CBFA2T3: variants seen among roughly 807,000 people sequenced by gnomAD.
CBFA2T3 encodes transcriptional corepressor CBFA2T3.
In CBFA2T3, 31 loss-of-function variants were observed where a neutral mutation model predicts 58.6. That is an observed-to-expected ratio of 0.53 (90% CI 0.40 to 0.71). The LOEUF is 0.71. Ranked by LOEUF, CBFA2T3 falls within the 30% of genes least tolerant of loss-of-function variation. The pLI is 0.00. For missense variants in CBFA2T3, 1,076 were observed against 963.1 expected (o/e 1.12, Z -1.55); for synonymous variants, 531 against 421.9 (o/e 1.26, Z -3.17).
chr16:88,969,506 G>A (rs982554023), intron 1 of CBFA2T3, among the ~76,000 whole-genome samples: 1 of 152,238 alleles, frequency 6.6e-6, no homozygotes, highest in African/African-American at 2.4e-5. Flanking sequence ...GCCTTCAGGA[G>A]GGGCTCGCCG....
At chr16:88,925,642 T>G (rs2636949) in intron 1 of CBFA2T3, among the ~76,000 whole-genome samples, 17,759 of 152,160 alleles carry the variant, frequency 0.12, 2,263 homozygotes, top group African/African-American at 0.32. Flanking sequence ...TGAATGCTGC[T>G]TCTCCCTCCA....
At chr16:88,949,871 G>C (rs866320618) in intron 1 of CBFA2T3, among the ~76,000 whole-genome samples, 1 of 151,908 alleles carries the variant, frequency 6.6e-6, no homozygotes, top group Non-Finnish European at 1.5e-5. Context: ...TTAGCTGGGC[G>C]TGGTGGTGGG....
Position 88,891,900 on chromosome 16 carries a change from A to T in CBFA2T3, c.693T>A (p.Phe231Leu). 1 of 1,612,808 alleles carries T rather than the reference A, an allele frequency of 6.2e-7. No individual in the cohort carries two copies. ...QEATNFPLRP[F>L]VIPFLKANLP... ...GCATTACCTTCAGGAAGGGAATGACAAACGGCCGCAGAGGGAAGTTGGTGG... is the reference window on the plus strand; with the variant it reads ...GCATTACCTTCAGGAAGGGAATGACTAACGGCCGCAGAGGGAAGTTGGTGG... The change falls in exon 5 of 12, where the codon TTT becomes TTA. Residue 231 changes from phenylalanine to leucine, a missense_variant. Phe to Leu is a conservative substitution (Grantham distance 22, BLOSUM62 0). Transcript: ENST00000268679.
chr16:88,962,802 G>A (rs1308482795), intron 1 of CBFA2T3, among the ~76,000 whole-genome samples: 1 of 152,224 alleles, frequency 6.6e-6, no homozygotes, highest in African/African-American at 2.4e-5. Context: ...TTTCTCGTCT[G>A]TGCCCCGAAC....
intron 1 of CBFA2T3, among the ~76,000 whole-genome samples, chr16:88,948,219 A>G (rs1971955308): frequency 6.6e-6 from 1 of 152,230 alleles, no homozygotes; most frequent in African/African-American, 2.4e-5. Context: ...TTTAATAACT[A>G]TCAGCTGACA....
At chr16:88,920,467 T>C (rs1245628214) in intron 1 of CBFA2T3, among the ~76,000 whole-genome samples, 2 of 148,744 alleles carry the variant, frequency 1.3e-5, no homozygotes, top group African/African-American at 2.5e-5. Flanking sequence ...TTTTTTTAAA[T>C]AGAGACTGGG....
At chr16:88,923,739 T>C (rs936799004) in intron 1 of CBFA2T3, among the ~76,000 whole-genome samples, 1 of 151,832 alleles carries the variant, frequency 6.6e-6, no homozygotes, top group Non-Finnish European at 1.5e-5. Flanking sequence ...GACATGGAGG[T>C]CGGCTTTGGA....
At chr16:88,898,840 T>C (rs1293711141) in intron 2 of CBFA2T3, among the ~76,000 whole-genome samples, 1 of 152,162 alleles carries the variant, frequency 6.6e-6, no homozygotes, top group Non-Finnish European at 1.5e-5. Context: ...CTGGGCGACG[T>C]AGGGAGACCC....
intron 7 of CBFA2T3, chr16:88,883,630 T>C (rs1222922826): frequency 6.6e-6 from 1 of 150,686 alleles, no homozygotes; most frequent in African/African-American, 2.5e-5. Flanking sequence ...GAGACGTGAG[T>C]GACGCCCGGC....
At chr16:88,967,187 CGGCCCCG>C (rs1972534833) in intron 1 of CBFA2T3, among the ~76,000 whole-genome samples, 1 of 115,342 alleles carries the variant, frequency 8.7e-6, no homozygotes, top group Non-Finnish European at 1.9e-5. Context: ...AGGTGCCACT[CGGCCCCG>C]ACACGAGGCA....
chr16:88,928,844 A>AG (rs1435608505), intron 1 of CBFA2T3, among the ~76,000 whole-genome samples: 2 of 152,240 alleles, frequency 1.3e-5, no homozygotes, highest in Admixed American at 6.5e-5. Context: ...CAAGGCCTGA[A>AG]GGAGGGCAGC....
chr16:88,908,056 G>C (rs1357532079), intron 1 of CBFA2T3, among the ~76,000 whole-genome samples: 1 of 152,158 alleles, frequency 6.6e-6, no homozygotes. Context: ...AAAGTTCCCA[G>C]ACCTGCCAGA....
intron 5 of CBFA2T3, among the ~76,000 whole-genome samples, chr16:88,891,671 G>A (rs796408730): frequency 1.3e-5 from 2 of 152,322 alleles, no homozygotes; most frequent in African/African-American, 4.8e-5. Flanking sequence ...TAACTAGTAG[G>A]AGTCAACCCT....
At chr16:88,912,497 C>T (rs923695587) in intron 1 of CBFA2T3, among the ~76,000 whole-genome samples, 4 of 152,216 alleles carry the variant, frequency 2.6e-5, no homozygotes, top group Non-Finnish European at 4.4e-5. Context: ...CAGGTCTTGG[C>T]GCAAATGTCC....
chr16:88,933,255 C>T (rs541568297), intron 1 of CBFA2T3, among the ~76,000 whole-genome samples: 26 of 152,292 alleles, frequency 1.7e-4, no homozygotes, highest in African/African-American at 4.8e-4. Context: ...CCAGACTGCA[C>T]GCCTCACAGT....
intron 5 of CBFA2T3, 22 bp downstream of exon 5, chr16:88,891,860 C>CG: frequency 6.4e-7 from 1 of 1,562,494 alleles, no homozygotes; most frequent in Non-Finnish European, 8.8e-7. Context: ...TCCCGCAGCA[C>CG]GGGGGACGGG....
At chr16:88,946,920 A>G (rs952218594) in intron 1 of CBFA2T3, among the ~76,000 whole-genome samples, 1 of 152,060 alleles carries the variant, frequency 6.6e-6, no homozygotes, top group Non-Finnish European at 1.5e-5. Context: ...AGCTAATTGT[A>G]TTTATTTTTT....
At chr16:88,930,604 C>T (rs1412247943) in intron 1 of CBFA2T3, among the ~76,000 whole-genome samples, 1 of 150,842 alleles carries the variant, frequency 6.6e-6, no homozygotes, top group Non-Finnish European at 1.5e-5. Context: ...GTGGCCCCGT[C>T]ACCTTCATCC....
At chr16:88,966,821 T>G (rs1972516106) in intron 1 of CBFA2T3, among the ~76,000 whole-genome samples, 1 of 152,172 alleles carries the variant, frequency 6.6e-6, no homozygotes, top group Non-Finnish European at 1.5e-5. Context: ...GGAAGTCGGA[T>G]GCAGCACGCC....
Sources: allele counts gnomAD v4.1 joint callset (sites outside exome capture counted in the v4.1 genomes callset), GRCh38; gene constraint gnomAD v4.1.1; transcripts MANE v1.5; gene names NCBI Gene and HGNC (gene_info 2026-07-23, HGNC 2026-07-21).